The following PAM variants were observed in gnomAD, a reference collection of about 807,000 sequenced individuals.
PAM encodes the protein peptidyl-glycine alpha-amidating monooxygenase.
In PAM, 72 loss-of-function variants were observed where a neutral mutation model predicts 122.1. The ratio of observed to expected loss-of-function variants is 0.59; its 90% CI spans 0.49 to 0.72. The LOEUF (loss-of-function observed/expected upper bound fraction) is 0.72, where lower values mean the gene tolerates loss of function less well. Ranked by LOEUF, PAM falls within the 30% of genes least tolerant of loss-of-function variation. The pLI, the probability that PAM is intolerant of heterozygous loss-of-function variation, is 0.00. For synonymous variants in PAM, 389 were observed against 404.4 expected, an observed-to-expected ratio of 0.96 and a Z score of 0.46; for missense variants, 1,106 against 1,183.7, an observed-to-expected ratio of 0.93 and a Z score of 0.96.
intron 1 of PAM, among the ~76,000 whole-genome samples, chr5:102,830,470 G>A (rs1775101720): frequency 6.6e-6 from 1 of 152,122 alleles, no homozygotes; most frequent in South Asian, 2.1e-4. Flanking sequence ...TTTTCATAGG[G>A]TTTTTCATAT....
At chr5:102,799,034 G>C (rs1764050064) in intron 1 of PAM, among the ~76,000 whole-genome samples, 1 of 152,138 alleles carries the variant, frequency 6.6e-6, no homozygotes. Flanking sequence ...CTTCTTTTGA[G>C]AAAATGTGTG....
intron 15 of PAM, among the ~76,000 whole-genome samples, chr5:102,984,955 A>G (rs1314198622): frequency 6.6e-6 from 1 of 152,170 alleles, no homozygotes; most frequent in Non-Finnish European, 1.5e-5. Flanking sequence ...AATACATGGA[A>G]AGTAAACAAA....
intron 4 of PAM, among the ~76,000 whole-genome samples, chr5:102,909,037 A>AT (rs1235141268): frequency 1.3e-5 from 2 of 151,718 alleles, no homozygotes; most frequent in Non-Finnish European, 2.9e-5. Flanking sequence ...CATAATCATT[A>AT]TTTTTTTGGA....
intron 21 of PAM, among the ~76,000 whole-genome samples, chr5:103,013,306 C>T (rs1781158592): frequency 6.6e-6 from 1 of 151,920 alleles, no homozygotes; most frequent in Non-Finnish European, 1.5e-5. Context: ...TTCCTAGGTA[C>T]TTAAAAATAT....
chr5:102,959,740 G>GA, intron 12 of PAM, 135 bp from the exon 13 acceptor site: 1 of 615,264 alleles, frequency 1.6e-6, no homozygotes, highest in Non-Finnish European at 2.9e-6. Context: ...GGGTTTTAAT[G>GA]AAAGCTATAA....
At chr5:102,927,480 T>C (rs1242671673) in intron 7 of PAM, among the ~76,000 whole-genome samples, 3 of 152,182 alleles carry the variant, frequency 2.0e-5, no homozygotes, top group Admixed American at 6.5e-5. Flanking sequence ...AATTTGACAG[T>C]ATATTTCTAA....
intron 14 of PAM, among the ~76,000 whole-genome samples, chr5:102,965,600 C>T (rs1763857165): frequency 6.6e-6 from 1 of 152,006 alleles, no homozygotes; most frequent in Admixed American, 6.6e-5. Flanking sequence ...GCTGCAGAAA[C>T]AGCCTTTAAC....
intron 3 of PAM, among the ~76,000 whole-genome samples, chr5:102,883,598 C>T (rs1792016649): frequency 6.6e-6 from 1 of 151,842 alleles, no homozygotes; most frequent in Non-Finnish European, 1.5e-5. Flanking sequence ...TTTACCAGGT[C>T]TAGGAACTTT....
chr5:102,942,398 A>G (rs1336236118), intron 7 of PAM, among the ~76,000 whole-genome samples: 1 of 152,010 alleles, frequency 6.6e-6, no homozygotes, highest in East Asian at 1.9e-4. Context: ...TACAACATCT[A>G]TGTATGTGTA....
In PAM at chr5:103,028,113, T is replaced by C. The variant is rs191344502; in HGVS notation, c.2690-72T>C. On this transcript the variant is annotated intron_variant, in intron 24 of 25. Coordinates refer to ENST00000438793, the MANE Select transcript of PAM (RefSeq NM_001177306.2). ...ATCATTTACCAGTTCCTATTTTAAG[T>C]TGGAAGTTGAGTGCATGGGTTGAGA... 3.0e-3 allele frequency: 3,383 copies of C among 1,137,604 alleles called. 10 individuals carry two copies. Among genetic ancestry groups the C allele is most frequent in the Non-Finnish European group, 4.1e-3 (3,049 of 750,728 alleles). 70.5% of individuals were successfully genotyped at this position (1,137,604 alleles called of 1,614,324 possible). A position where few individuals can be genotyped will look rare whatever the true frequency, so the allele number is the denominator to read the frequency against.
At chr5:102,977,743 C>T (rs1175342969) in intron 15 of PAM, among the ~76,000 whole-genome samples, 2 of 151,066 alleles carry the variant, frequency 1.3e-5, no homozygotes, top group African/African-American at 4.9e-5. Context: ...TGGCCAAAAT[C>T]AAATTTGGAA....
intron 21 of PAM, 55 bp from the exon 22 acceptor site, chr5:103,017,279 T>G (rs1271082358): frequency 1.0e-5 from 11 of 1,088,246 alleles, no homozygotes; most frequent in Non-Finnish European, 1.5e-5. Flanking sequence ...TGTCTTTTCA[T>G]GAAGGATTCA....
intron 5 of PAM, among the ~76,000 whole-genome samples, chr5:102,914,930 C>A (rs533669229): frequency 6.6e-6 from 1 of 152,134 alleles, no homozygotes; most frequent in East Asian, 1.9e-4. Context: ...CTATTAAATG[C>A]CTGTCATATG....
chr5:102,934,470 T>A lies in PAM; in HGVS notation c.526+7802T>A, dbSNP rs201006725. Among the ~76,000 whole-genome samples the A allele has an allele frequency of 1.4e-4, 22 of 152,300 alleles. No individual in the cohort carries two copies. In the East Asian group the frequency reaches 4.2e-3, roughly 29 times the overall value. On this transcript the variant is annotated intron_variant, in intron 7 of 25. Coordinates refer to ENST00000438793, the MANE Select transcript of PAM (RefSeq NM_001177306.2). ...ATCCAGAAATGTGTCAGAAATATGG[T>A]TCCAGGAAGGATACACTTTTACCTC...
At chr5:102,981,268 C>T (rs956799222) in intron 15 of PAM, among the ~76,000 whole-genome samples, 4 of 152,164 alleles carry the variant, frequency 2.6e-5, no homozygotes, top group African/African-American at 4.8e-5. Context: ...ATTTTTTAGA[C>T]GTTGCATATT....
chr5:102,832,768 C>T (rs975672180), intron 1 of PAM, among the ~76,000 whole-genome samples: 1 of 152,060 alleles, frequency 6.6e-6, no homozygotes, highest in South Asian at 2.1e-4. Flanking sequence ...GAAACATATT[C>T]ACATGAAATG....
At chr5:102,766,503 G>T (rs561278472) in intron 1 of PAM, among the ~76,000 whole-genome samples, 1 of 152,168 alleles carries the variant, frequency 6.6e-6, no homozygotes, top group South Asian at 2.1e-4. Context: ...TAATGTGAGC[G>T]ATGGGGAGTG....
At chr5:102,921,477 T>C (rs1366252006) in intron 5 of PAM, among the ~76,000 whole-genome samples, 3 of 152,162 alleles carry the variant, frequency 2.0e-5, no homozygotes, top group African/African-American at 7.2e-5. Flanking sequence ...TCTCGCCCTT[T>C]TGTTTTTCCT....
At chr5:102,989,826 A>AGATG (rs1773471878) in intron 15 of PAM, 1 of 152,168 alleles carries the variant, frequency 6.6e-6, no homozygotes, top group African/African-American at 2.4e-5. Flanking sequence ...ATAGATAGAT[A>AGATG]GATAGATAGA....
Sources: allele counts gnomAD v4.1 joint callset (sites outside exome capture counted in the v4.1 genomes callset), GRCh38; gene constraint gnomAD v4.1.1; transcripts MANE v1.5; gene names NCBI Gene and HGNC (gene_info 2026-07-23, HGNC 2026-07-21).